DDX27: variants seen among roughly 807,000 people sequenced by gnomAD.
DDX27 encodes the protein DEAD-box helicase 27.
A neutral mutation model predicts 99.3 loss-of-function variants in DDX27; 42 were observed. The observed-to-expected ratio is 0.42, with a 90% CI of 0.33 to 0.55. The LOEUF (loss-of-function observed/expected upper bound fraction) is 0.55, where lower values mean the gene tolerates loss of function less well. Among genes scored for constraint, DDX27 ranks in the 20% least tolerant of loss-of-function variants. DDX27 has a pLI of 0.07. For missense variants in DDX27, 798 were observed against 976.8 expected (o/e 0.82, Z 2.44); for synonymous variants, 329 against 353.8 (o/e 0.93, Z 0.79).
intron 16 of DDX27, among the ~76,000 whole-genome samples, chr20:49,240,472 G>A (rs997648298): frequency 6.6e-6 from 1 of 152,104 alleles, no homozygotes; most frequent in African/African-American, 2.4e-5. Context: ...CTGTCACTGA[G>A]GCTGGAGTGC....
rs151239397 is a variant in DDX27 at position 49,225,113 on chromosome 20, G to A, written c.514G>A (p.Glu172Lys). The A allele has an allele frequency of 1.4e-3, 2,282 of 1,613,930 alleles. 30 individuals are homozygous for A. In the African/African-American group the frequency reaches 0.027, roughly 19 times the overall value. The stretch of plus-strand genomic sequence containing the variant: ...TCTCTCTTTTGGTTTTCTGGTGTAG[G>A]AAGCAGGAGGATTTTTTGAAGATGC... ...DRKKKKKKGQ[E>K]AGGFFEDASQ... The change falls in exon 6 of 21, where the codon GAA becomes AAA. Residue 172 changes from glutamate to lysine, a missense_variant and splice_region_variant. By Grantham distance (56) the Glu-to-Lys change is moderately conservative. This residue lies in a region of DDX27 where 245 missense variants were observed against 248.8 expected (regional missense o/e 0.98). Transcript: ENST00000618172.
At position 49,239,358 on chromosome 20, in the gene DDX27, C is replaced by T; in HGVS notation, c.1897+20C>T. ...AGAAAAGTAAGTCAGGGAGGTTCCG[C>T]AGAAATCTAAATACAGAATTACCCC... On this transcript the variant is annotated intron_variant, in intron 16 of 20. Transcript: ENST00000618172. 1 of 1,573,428 alleles carries T rather than the reference C, an allele frequency of 6.4e-7. No homozygotes were observed. The highest frequency in any genetic ancestry group is 1.7e-4 in the Middle Eastern group (1 of 5,948).
chr20:49,222,217 C>T (rs1005769210), intron 2 of DDX27, among the ~76,000 whole-genome samples: 1 of 152,110 alleles, frequency 6.6e-6, no homozygotes, highest in African/African-American at 2.4e-5. Context: ...ACTGCAACCT[C>T]TGCCTCCTGG....
At position 49,236,630 on chromosome 20, in the gene DDX27, C is replaced by A; in HGVS notation, c.1687+120C>A. On this transcript the variant is annotated intron_variant, in intron 14 of 20. Transcript: ENST00000618172. This position sits in a 1 kb window ranked among gnomAD's most constrained non-coding sequence, Gnocchi z 4.1. ...CCAGATTTGAATTCCAGCCCTGCTG[C>A]TTCCTTGCCGAGTGACCATGTGCAG... 2 of 1,026,550 alleles carry A rather than the reference C, an allele frequency of 1.9e-6. No individual in the cohort carries two copies. Among genetic ancestry groups the A allele is most frequent in the Non-Finnish European group, 2.6e-6 (2 of 765,204 alleles). The allele number at this position is 1,026,550 out of a possible 1,614,324, so 63.6% of individuals were successfully genotyped here.
At chr20:49,223,489 C>G in intron 4 of DDX27, 56 bp downstream of exon 4, 1 of 1,517,372 alleles carries the variant, frequency 6.6e-7, no homozygotes, top group Non-Finnish European at 8.9e-7. Flanking sequence ...AAGGCATCCT[C>G]CTTTACTTTG....
At chr20:49,237,220 T>G (rs1211188697) in intron 14 of DDX27, among the ~76,000 whole-genome samples, 1 of 152,000 alleles carries the variant, frequency 6.6e-6, no homozygotes, top group African/African-American at 2.4e-5. Flanking sequence ...GTCCCAGCTA[T>G]TCAGAAGGCT....
rs71186442 is a variant in DDX27 at position 49,229,650 on chromosome 20, C to CTTTTTTTT, written c.881-540_881-533dup. Among the ~76,000 whole-genome samples the CTTTTTTTT allele has an allele frequency of 2.2e-5, 3 of 134,358 alleles. 1 individual carries two copies. The highest frequency in any genetic ancestry group is 3.1e-5 in the Non-Finnish European group (2 of 63,978). 88.1% of individuals were successfully genotyped at this position (134,358 alleles called of 152,430 possible). A position where few individuals can be genotyped will look rare whatever the true frequency, so the allele number is the denominator to read the frequency against. ...AGTCCTTGAATGTTTCAGGCATTCT[C>CTTTTTTTT]TTTTTTTTTTTTTTTTGAGAGGAAG... On this transcript the variant is annotated intron_variant, in intron 8 of 20. Coordinates refer to ENST00000618172, the MANE Select transcript of DDX27 (RefSeq NM_017895.8).
At chr20:49,225,068 C>A (rs1979831523) in intron 5 of DDX27, 45 bp from the exon 6 acceptor site, 1 of 1,610,894 alleles carries the variant, frequency 6.2e-7, no homozygotes, top group Non-Finnish European at 8.5e-7. Flanking sequence ...GGTTTCTTGG[C>A]TCTTTTTGTT....
chr20:49,243,574 C>T, intron 19 of DDX27, 55 bp from the exon 20 acceptor site: 1 of 1,512,786 alleles, frequency 6.6e-7, no homozygotes, highest in Non-Finnish European at 9.2e-7. Context: ...GGGGGTGAGA[C>T]AACACCCATT....
chr20:49,230,176 G>T (rs756225443), intron 8 of DDX27, 23 bp from the exon 9 acceptor site: 27 of 1,599,170 alleles, frequency 1.7e-5, no homozygotes, highest in Non-Finnish European at 2.1e-5. Context: ...TGGCCGCCTG[G>T]TGGGGCTCTC....
At chr20:49,241,016 A>AACC (rs1980459963) in intron 16 of DDX27, among the ~76,000 whole-genome samples, 1 of 152,140 alleles carries the variant, frequency 6.6e-6, no homozygotes, top group Non-Finnish European at 1.5e-5. Context: ...CCCCGACTCA[A>AACC]ACCACCACCA....
At position 49,244,031 on chromosome 20, in the gene DDX27, C is replaced by T. The variant is rs1980571187; in HGVS notation, c.*197C>T. The T allele has an allele frequency of 3.2e-6, 2 of 629,994 alleles. No homozygotes were observed. Among genetic ancestry groups the T allele is most frequent in the East Asian group, 5.5e-5 (2 of 36,528 alleles). 39.0% of individuals were successfully genotyped at this position (629,994 alleles called of 1,614,324 possible). A position where few individuals can be genotyped will look rare whatever the true frequency, so the allele number is the denominator to read the frequency against. On this transcript the variant is annotated 3_prime_UTR_variant, in exon 21 of 21. Coordinates refer to ENST00000618172, the MANE Select transcript of DDX27 (RefSeq NM_017895.8). ...ATCTCCCTTCTTGCTGATTAGCTTT[C>T]ATATGACTATATTAAATGGAAGTAT...
At chr20:49,232,061 T>G (rs1980132172) in intron 9 of DDX27, among the ~76,000 whole-genome samples, 2 of 152,032 alleles carry the variant, frequency 1.3e-5, no homozygotes. Context: ...TATTTTATAT[T>G]AAATAAATAG....
chr20:49,238,800 G>A, intron 14 of DDX27, 149 bp from the exon 15 acceptor site: 2 of 343,004 alleles, frequency 5.8e-6, no homozygotes, highest in Non-Finnish European at 1.0e-5. Flanking sequence ...TGTAGAGACA[G>A]AGTCTGGCCA....
At chr20:49,222,473 C>T (rs1451525027) in intron 2 of DDX27, among the ~76,000 whole-genome samples, 1 of 152,048 alleles carries the variant, frequency 6.6e-6, no homozygotes, top group Non-Finnish European at 1.5e-5. Context: ...CTGTGCTCAG[C>T]CTTACCAGCA....
rs1979758175 is a variant in DDX27, at chr20:49,223,286, G to A, written c.319G>A (p.Gly107Arg). ...RKTEDKEAKS[G>R]KLEKEKEAKE... ...TTCCCAGGATAAAGAAGCCAAGTCT[G>A]GGAAGTTGGAAAAGGAGAAAGAAGC... is the stretch of plus-strand genomic sequence containing the variant. Residue 107 changes from glycine to arginine, a missense_variant, in exon 4 of 21, where the codon GGG becomes AGG. Gly to Arg is a moderately radical substitution (Grantham distance 125). Transcript: ENST00000618172. 4.3e-6 allele frequency: 7 copies of A among 1,610,388 alleles called. No individual in the cohort carries two copies. In the East Asian group the frequency reaches 1.6e-4, roughly 36 times the overall value.
chr20:49,229,309 C>T (rs1041394417), intron 8 of DDX27, among the ~76,000 whole-genome samples: 1 of 152,132 alleles, frequency 6.6e-6, no homozygotes, highest in Admixed American at 6.6e-5. Flanking sequence ...GAATTACAGG[C>T]ATGAGCCACC....
At position 49,242,642 on chromosome 20, in the gene DDX27, C is replaced by T. The variant is rs1350934253; in HGVS notation, c.2165C>T (p.Thr722Ile). 3.7e-6 allele frequency: 6 copies of T among 1,614,148 alleles called. No individual in the cohort carries two copies. The highest frequency in any genetic ancestry group is 2.5e-6 in the Non-Finnish European group (3 of 1,180,020). ...GKKSVFDEEL[T>I]NTSKKALKQY... is the part of the protein sequence containing the mutation. ...AAATCTGTATTTGATGAAGAACTCA[C>T]CAACACAAGCAAGAAGGCCCTGAAA... is the stretch of plus-strand genomic sequence containing the variant. Residue 722 changes from threonine to isoleucine, a missense_variant, in exon 19 of 21, where the codon ACC becomes ATC. Transcript: ENST00000618172.
intron 14 of DDX27, among the ~76,000 whole-genome samples, chr20:49,237,778 C>A (rs1980352766): frequency 6.6e-6 from 1 of 152,056 alleles, no homozygotes; most frequent in African/African-American, 2.4e-5. Flanking sequence ...GCTGAGAGAA[C>A]AAGGGTGGAG....
Sources: allele counts gnomAD v4.1 joint callset (sites outside exome capture counted in the v4.1 genomes callset), GRCh38; gene constraint gnomAD v4.1.1; regional missense constraint gnomAD v4.1.1; non-coding constraint Gnocchi (gnomAD v3.1); transcripts MANE v1.5; gene names NCBI Gene and HGNC (gene_info 2026-07-23, HGNC 2026-07-21).